Variants in CLYBL observed in about 807,000 individuals in gnomAD.
CLYBL encodes the protein citramalyl-CoA lyase.
Under a neutral mutation model 38.9 loss-of-function variants are expected in CLYBL, and 31 were observed. The ratio of observed to expected loss-of-function variants is 0.80; its 90% CI spans 0.60 to 1.08. CLYBL has a LOEUF of 1.08. Ranked by LOEUF, CLYBL falls within the 50% of genes least tolerant of loss-of-function variation. The pLI is 0.00. For synonymous variants in CLYBL, 171 were observed against 158.6 expected (o/e 1.08, Z -0.59); for missense variants, 434 against 411.6 (o/e 1.05, Z -0.47).
intron 1 of CLYBL, among the ~76,000 whole-genome samples, chr13:99,764,167 T>C (rs1235400381): frequency 6.6e-6 from 1 of 152,060 alleles, no homozygotes; most frequent in African/African-American, 2.4e-5. Context: ...CAAGGGATTC[T>C]CTGCCTCAGC....
At position 99,655,144 on chromosome 13, in the gene CLYBL, C is replaced by T. The variant is rs561486020; in HGVS notation, c.62+48387C>T. Among the ~76,000 whole-genome samples the T allele has an allele frequency of 2.0e-3, 301 of 150,224 alleles. 1 individual carries two copies. The highest frequency in any genetic ancestry group is 7.0e-3 in the African/African-American group (286 of 40,830). ...AGGGTGGAGTGCAGTGGCGTGATCT[C>T]GGCTCACTGCAATCTCTGCTTCCTA... On this transcript the variant is annotated intron_variant, in intron 1 of 8. Transcript: ENST00000339105.
chr13:99,885,173 T>C lies in CLYBL; in HGVS notation c.928-6145T>C. ...TGTGAAAGACAGCAATGTAAACAAA[T>C]ACTCTCACTAGATGGGAACACAGGC... On this transcript the variant is annotated intron_variant, in intron 7 of 8. Coordinates refer to ENST00000339105, the MANE Select transcript of CLYBL (RefSeq NM_206808.5). The C allele has an allele frequency of 1.0e-5, 5 of 484,782 alleles. No individual in the cohort carries two copies. The Admixed American group carries it at 1.1e-4, about 11-fold the overall frequency. 30.0% of individuals were successfully genotyped at this position (484,782 alleles called of 1,614,324 possible).
At chr13:99,862,829 T>C (rs532584848) in intron 3 of CLYBL, among the ~76,000 whole-genome samples, 162 bp from the exon 4 acceptor site, 1 of 152,296 alleles carries the variant, frequency 6.6e-6, no homozygotes, top group Admixed American at 6.5e-5. Flanking sequence ...ACCTTTTTCT[T>C]TGGACTTTCT....
At chr13:99,658,980 A>G (rs1435200722) in intron 1 of CLYBL, among the ~76,000 whole-genome samples, 1 of 152,184 alleles carries the variant, frequency 6.6e-6, no homozygotes, top group African/African-American at 2.4e-5. Context: ...TTCACTTTTT[A>G]CATAATTAAA....
intron 2 of CLYBL, among the ~76,000 whole-genome samples, chr13:99,786,689 C>T (rs2049803733): frequency 6.6e-6 from 1 of 152,160 alleles, no homozygotes; most frequent in Non-Finnish European, 1.5e-5. Flanking sequence ...GTCTTTGTAG[C>T]AGCATGATTT....
intron 1 of CLYBL, among the ~76,000 whole-genome samples, chr13:99,728,434 A>T (rs1189960080): frequency 6.6e-6 from 1 of 151,864 alleles, no homozygotes; most frequent in Non-Finnish European, 1.5e-5. Context: ...GTGTGCCACC[A>T]CATCCGGCTA....
intron 2 of CLYBL, among the ~76,000 whole-genome samples, chr13:99,833,651 C>G (rs1282180736): frequency 7.0e-6 from 1 of 142,786 alleles, no homozygotes; most frequent in Non-Finnish European, 1.5e-5. Flanking sequence ...CCCTGAGCAC[C>G]AAATGTGACA....
At chr13:99,606,952 C>T (rs1285567476) in intron 1 of CLYBL, among the ~76,000 whole-genome samples, 195 bp downstream of exon 1, 1 of 152,178 alleles carries the variant, frequency 6.6e-6, no homozygotes, top group Admixed American at 6.5e-5. Context: ...TTTGGGAGGG[C>T]CCTCGTTGCA....
At chr13:99,715,088 G>A (rs928122157) in intron 1 of CLYBL, among the ~76,000 whole-genome samples, 4 of 152,200 alleles carry the variant, frequency 2.6e-5, no homozygotes, top group Non-Finnish European at 5.9e-5. Flanking sequence ...ACATATCAGT[G>A]TCTGTAGGCT....
chr13:99,762,832 A>T (rs4360797), intron 1 of CLYBL, among the ~76,000 whole-genome samples: 38,342 of 151,788 alleles, frequency 0.25, 6,364 homozygotes, highest in East Asian at 0.45. Context: ...TGTGTCCTCC[A>T]AAATTTCTTT....
chr13:99,763,282 C>G (rs933532724), intron 1 of CLYBL, among the ~76,000 whole-genome samples: 1 of 152,096 alleles, frequency 6.6e-6, no homozygotes, highest in South Asian at 2.1e-4. Context: ...TCTCCCTGTT[C>G]AGGATGATGT....
At chr13:99,857,699 T>A (rs983243554) in intron 2 of CLYBL, among the ~76,000 whole-genome samples, 1 of 152,264 alleles carries the variant, frequency 6.6e-6, no homozygotes, top group African/African-American at 2.4e-5. Context: ...TCCTGGGTTG[T>A]CTTGTTGCTG....
chr13:99,878,910 C>T (rs772022234), intron 7 of CLYBL, among the ~76,000 whole-genome samples: 5 of 152,078 alleles, frequency 3.3e-5, no homozygotes, highest in Non-Finnish European at 4.4e-5. Context: ...GTTTAGACCC[C>T]GAGGAAAGTT....
intron 1 of CLYBL, among the ~76,000 whole-genome samples, chr13:99,767,643 A>G (rs2049294630): frequency 2.0e-5 from 3 of 152,004 alleles, no homozygotes; most frequent in South Asian, 4.1e-4. Flanking sequence ...ACTTCTCTTC[A>G]GTCTTTTTTC....
intron 1 of CLYBL, among the ~76,000 whole-genome samples, chr13:99,624,058 A>T (rs994340356): frequency 6.6e-6 from 1 of 152,180 alleles, no homozygotes; most frequent in Non-Finnish European, 1.5e-5. Flanking sequence ...GTAAAAAGCA[A>T]CATCAGATAG....
chr13:99,707,491 C>G (rs1452827289), intron 1 of CLYBL, among the ~76,000 whole-genome samples: 2 of 152,148 alleles, frequency 1.3e-5, no homozygotes, highest in Non-Finnish European at 2.9e-5. Flanking sequence ...CCAGGCTGAT[C>G]TCGAACTCCT....
intron 1 of CLYBL, among the ~76,000 whole-genome samples, chr13:99,661,129 CTTT>C (rs2047402763): frequency 6.6e-6 from 1 of 152,048 alleles, no homozygotes; most frequent in Admixed American, 6.6e-5. Context: ...ATAATTTCTT[CTTT>C]AACAATATTG....
At chr13:99,853,637 T>C (rs908659188) in intron 2 of CLYBL, among the ~76,000 whole-genome samples, 4 of 152,204 alleles carry the variant, frequency 2.6e-5, no homozygotes, top group African/African-American at 9.6e-5. Context: ...AATCTGAGAA[T>C]TCATTTGCCT....
chr13:99,797,076 A>T (rs2050036210), intron 2 of CLYBL, among the ~76,000 whole-genome samples: 1 of 152,194 alleles, frequency 6.6e-6, no homozygotes, highest in East Asian at 1.9e-4. Context: ...TTATTTCAAC[A>T]TTGATAGAAG....
Sources: gnomAD v4.1 joint callset for allele counts (sites outside exome capture counted in the v4.1 genomes callset) on GRCh38, gnomAD v4.1.1 for gene constraint, MANE v1.5 for transcripts, NCBI Gene and HGNC (gene_info 2026-07-23, HGNC 2026-07-21) for gene names.